PLCXD3: variants seen among roughly 807,000 people sequenced by gnomAD.
The protein encoded by PLCXD3 is PI-PLC X domain-containing protein 3.
Under a neutral mutation model 25.5 loss-of-function variants are expected in PLCXD3, and 19 were observed. The ratio of observed to expected loss-of-function variants is 0.75; its 90% CI spans 0.52 to 1.09. The LOEUF (loss-of-function observed/expected upper bound fraction) is 1.09. Among genes scored for constraint, PLCXD3 ranks in the 50% least tolerant of loss-of-function variants. The pLI is 0.00. For synonymous variants in PLCXD3, 174 were observed against 137.6 expected (o/e 1.26, Z -1.85); for missense variants, 411 against 388.1 (o/e 1.06, Z -0.50).
intron 1 of PLCXD3, among the ~76,000 whole-genome samples, chr5:41,453,306 A>G (rs985133014): frequency 1.3e-5 from 2 of 151,680 alleles, no homozygotes; most frequent in Non-Finnish European, 2.9e-5. Flanking sequence ...CCAATGTCAC[A>G]AACTATTGGC....
At chr5:41,410,968 T>C (rs1004323910) in intron 1 of PLCXD3, among the ~76,000 whole-genome samples, 25 of 152,180 alleles carry the variant, frequency 1.6e-4, no homozygotes, top group African/African-American at 5.5e-4. Context: ...CTTGAGTATA[T>C]GTAACCACAG....
At chr5:41,454,227 GC>G (rs1747700685) in intron 1 of PLCXD3, among the ~76,000 whole-genome samples, 2 of 152,074 alleles carry the variant, frequency 1.3e-5, no homozygotes, top group East Asian at 3.9e-4. Context: ...AGTGGAATGG[GC>G]CCTAGATCCA....
rs537197212 is a variant in PLCXD3 at position 41,306,968 on chromosome 5, T to C, written c.*6649A>G. On this transcript the variant is annotated 3_prime_UTR_variant, in exon 3 of 3. Transcript: ENST00000377801. ...AAATAAAGATAATTGGTACCAGGAC[T>C]TTATTAGGCATTTCACTGAATACAA... 6.5e-6 allele frequency: 1 copy of C among 152,710 alleles called. No homozygotes were observed. Among genetic ancestry groups the C allele is most frequent in the East Asian group, 1.9e-4 (1 of 5,184 alleles). 9.5% of individuals were successfully genotyped at this position (152,710 alleles called of 1,614,324 possible). A position where few individuals can be genotyped will look rare whatever the true frequency, so the allele number is the denominator to read the frequency against.
Position 41,440,325 on chromosome 5 carries a change from C to T in PLCXD3, c.104-57791G>A, listed in dbSNP as rs192935731. ...TTGGCTCACTGCAACCTCTGCCTCCCGGGTTCAAATGATTCTCCTGCCTCA... is the reference window on the plus strand; with the variant it reads ...TTGGCTCACTGCAACCTCTGCCTCCTGGGTTCAAATGATTCTCCTGCCTCA... On this transcript the variant is annotated intron_variant, in intron 1 of 2. Coordinates refer to ENST00000377801, the MANE Select transcript of PLCXD3 (RefSeq NM_001005473.3). Among the ~76,000 whole-genome samples the T allele has an allele frequency of 4.8e-4, 67 of 139,520 alleles. No homozygotes were observed. In the East Asian group the frequency reaches 7.8e-3, roughly 16 times the overall value. The allele number at this position is 139,520 out of a possible 152,430, so 91.5% of individuals were successfully genotyped here. A position where few individuals can be genotyped will look rare whatever the true frequency, so the allele number is the denominator to read the frequency against.
chr5:41,341,121 T>A (rs1251197786), intron 2 of PLCXD3, among the ~76,000 whole-genome samples: 2 of 152,190 alleles, frequency 1.3e-5, no homozygotes, highest in African/African-American at 4.8e-5. Context: ...TAAACCAGTA[T>A]ATCTAGTGGA....
chr5:41,477,621 C>T (rs114201002), intron 1 of PLCXD3, among the ~76,000 whole-genome samples: 113 of 152,154 alleles, frequency 7.4e-4, no homozygotes, highest in African/African-American at 2.7e-3. Flanking sequence ...CCCCCTTACA[C>T]CATAGTCACT....
At chr5:41,345,795 A>C (rs113734697) in intron 2 of PLCXD3, among the ~76,000 whole-genome samples, 3,789 of 151,734 alleles carry the variant, frequency 0.025, 179 homozygotes, top group African/African-American at 0.088. Context: ...TCCATATTTA[A>C]TTTTTGCTAC....
intron 2 of PLCXD3, among the ~76,000 whole-genome samples, chr5:41,320,751 C>T (rs1743444648): frequency 6.6e-6 from 1 of 152,216 alleles, no homozygotes; most frequent in East Asian, 1.9e-4. Context: ...CCGCCTCGGC[C>T]TCCCAAAGTG....
intron 2 of PLCXD3, among the ~76,000 whole-genome samples, chr5:41,358,474 G>T (rs1744681514): frequency 6.6e-6 from 1 of 152,080 alleles, no homozygotes; most frequent in Non-Finnish European, 1.5e-5. Context: ...TTTCCCCCAA[G>T]TCCTCAAAGT....
chr5:41,320,115 A>G (rs1404183014), intron 2 of PLCXD3, among the ~76,000 whole-genome samples: 4 of 152,182 alleles, frequency 2.6e-5, no homozygotes, highest in Non-Finnish European at 5.9e-5. Flanking sequence ...GCCATAATAA[A>G]AAGTCTCCCA....
chr5:41,482,349 T>A (rs866493478), intron 1 of PLCXD3, among the ~76,000 whole-genome samples: 4 of 152,304 alleles, frequency 2.6e-5, no homozygotes, highest in African/African-American at 4.8e-5. Flanking sequence ...AGAGAAATTG[T>A]CTTTGTAGGG....
chr5:41,464,045 T>A (rs1047138136), intron 1 of PLCXD3, among the ~76,000 whole-genome samples: 3 of 152,080 alleles, frequency 2.0e-5, no homozygotes, highest in African/African-American at 4.8e-5. Context: ...ATAATTGTAC[T>A]GTCTAATTTA....
intron 2 of PLCXD3, among the ~76,000 whole-genome samples, chr5:41,370,756 C>A (rs979876467): frequency 5.3e-5 from 8 of 152,130 alleles, no homozygotes; most frequent in African/African-American, 1.7e-4. Flanking sequence ...AAAAAATATG[C>A]CTCCCTCTGT....
At chr5:41,467,571 T>C (rs1748046472) in intron 1 of PLCXD3, among the ~76,000 whole-genome samples, 1 of 152,200 alleles carries the variant, frequency 6.6e-6, no homozygotes, top group Non-Finnish European at 1.5e-5. Context: ...ATCCCATTTG[T>C]ATATCTTTGC....
chr5:41,426,375 G>T (rs1056340663), intron 1 of PLCXD3, among the ~76,000 whole-genome samples: 1 of 151,472 alleles, frequency 6.6e-6, no homozygotes, highest in African/African-American at 2.4e-5. Flanking sequence ...TCTCATTTAT[G>T]CTTTCCAATT....
intron 1 of PLCXD3, among the ~76,000 whole-genome samples, chr5:41,411,256 A>T (rs1746511910): frequency 6.6e-6 from 1 of 152,338 alleles, no homozygotes; most frequent in Non-Finnish European, 1.5e-5. Context: ...GAATAAAGAA[A>T]ATCTGAAATA....
chr5:41,494,689 G>A (rs1247244794), intron 1 of PLCXD3, among the ~76,000 whole-genome samples: 2 of 152,194 alleles, frequency 1.3e-5, no homozygotes, highest in Non-Finnish European at 2.9e-5. Context: ...TGGGATATAT[G>A]AGGATAGAGT....
intron 2 of PLCXD3, among the ~76,000 whole-genome samples, chr5:41,355,724 G>T (rs1441915234): frequency 1.3e-5 from 2 of 152,186 alleles, no homozygotes; most frequent in Non-Finnish European, 2.9e-5. Context: ...CATGCATGCT[G>T]CCCTAGTCAC....
chr5:41,374,109 A>C (rs1745207590), intron 2 of PLCXD3, among the ~76,000 whole-genome samples: 1 of 152,086 alleles, frequency 6.6e-6, no homozygotes, highest in Admixed American at 6.6e-5. Context: ...ATTGGGGTTT[A>C]TGTTCTTTAG....
Sources: allele counts gnomAD v4.1 joint callset (sites outside exome capture counted in the v4.1 genomes callset), GRCh38; gene constraint gnomAD v4.1.1; transcripts MANE v1.5; gene names NCBI Gene and HGNC (gene_info 2026-07-23, HGNC 2026-07-21).